THSD7A: variants seen among roughly 807,000 people sequenced by gnomAD.
THSD7A encodes the protein thrombospondin type 1 domain containing 7A.
THSD7A carries 96 observed loss-of-function variants against 231.3 expected under a neutral mutation model. The observed-to-expected ratio is 0.41, with a 90% confidence interval of 0.35 to 0.49. The LOEUF is 0.49. Ranked by LOEUF, THSD7A falls within the 20% of genes least tolerant of loss-of-function variation. The pLI, the probability that THSD7A is intolerant of heterozygous loss-of-function variation, is 0.05. For missense variants in THSD7A, 2,290 were observed against 2,070.2 expected (o/e 1.11, Z -2.06); for synonymous variants, 940 against 743.3 (o/e 1.26, Z -4.30).
rs1013053493 is a variant in THSD7A at position 11,411,590 on chromosome 7, GA to G, written c.3683-269del. On this transcript the variant is annotated intron_variant, in intron 18 of 27. Coordinates refer to ENST00000423059, the MANE Select transcript of THSD7A (RefSeq NM_015204.3). This position sits in a 1 kb window ranked among gnomAD's most constrained non-coding sequence, Gnocchi z 4.1. ...ATAGCTAGCCGTTTGGTGACACTGT[GA>G]AAATGGCTTTGGCTTACAGATCAAT... is the stretch of plus-strand genomic sequence containing the variant. Among the ~76,000 whole-genome samples the G allele has an allele frequency of 6.6e-6, 1 of 152,182 alleles. No individual in the cohort carries two copies. The highest frequency in any genetic ancestry group is 2.4e-5 in the African/African-American group (1 of 41,440).
intron 13 of THSD7A, among the ~76,000 whole-genome samples, chr7:11,434,501 A>T (rs1784571127): frequency 6.6e-6 from 1 of 152,120 alleles, no homozygotes; most frequent in Non-Finnish European, 1.5e-5. Flanking sequence ...ACAATTACTA[A>T]ATTGTGCTGC....
intron 1 of THSD7A, among the ~76,000 whole-genome samples, chr7:11,783,892 A>C (rs1348523758): frequency 1.3e-5 from 2 of 152,152 alleles, no homozygotes. Context: ...ACAAGAAGAC[A>C]AATGAAATTA....
intron 6 of THSD7A, among the ~76,000 whole-genome samples, chr7:11,496,937 C>T (rs541308168): frequency 1.4e-4 from 21 of 152,044 alleles, no homozygotes; most frequent in Non-Finnish European, 2.9e-4. Context: ...GTCATGAGTC[C>T]AGAAATTAAG....
At chr7:11,751,866 A>G (rs1239388145) in intron 1 of THSD7A, among the ~76,000 whole-genome samples, 1 of 151,948 alleles carries the variant, frequency 6.6e-6, no homozygotes, top group Non-Finnish European at 1.5e-5. Context: ...ACTGTCCCTT[A>G]CTGACACTCC....
At chr7:11,692,116 A>G (rs1017493967) in intron 1 of THSD7A, among the ~76,000 whole-genome samples, 1 of 151,530 alleles carries the variant, frequency 6.6e-6, no homozygotes, top group Non-Finnish European at 1.5e-5. Context: ...GTTCCAGCTC[A>G]ATACAAGTGG....
chr7:11,406,381 C>G lies in THSD7A; in HGVS notation c.4156G>C (p.Glu1386Gln). 3 of 1,613,948 alleles carry G rather than the reference C, an allele frequency of 1.9e-6. No homozygotes were observed. Among genetic ancestry groups the G allele is most frequent in the Non-Finnish European group, 2.5e-6 (3 of 1,179,864 alleles). The change falls in exon 22 of 28, where the codon GAA becomes CAA. Residue 1386 changes from glutamate to glutamine, a missense_variant. Glu to Gln is a conservative substitution (Grantham distance 29). Transcript: ENST00000423059. The surrounding 1 kb of genome is among the most constrained non-coding windows in gnomAD (Gnocchi z 4.7). ...ATGAGTTCAATGTCAGCACAGAATT[C>G]CTCATCCACCACTTTGCTGAAATCA... ...ADDFSKVVDE[E>Q]FCADIELIID...
chr7:11,415,446 A>G (rs1783928536), intron 17 of THSD7A, among the ~76,000 whole-genome samples: 1 of 152,178 alleles, frequency 6.6e-6, no homozygotes, highest in Non-Finnish European at 1.5e-5. Flanking sequence ...CTAACTCCCA[A>G]AACTAAAGTC....
At position 11,791,626 on chromosome 7, in the gene THSD7A, G is replaced by C. The variant is rs575400338; in HGVS notation, c.190+40131C>G. On this transcript the variant is annotated intron_variant, in intron 1 of 27. Transcript: ENST00000423059. ...TATAACAACCTTGGTATTTTCTGTG[G>C]ACTTCCTTGTAAGAATTTCCTTAGA... is the stretch of plus-strand genomic sequence containing the variant. 6.6e-5 allele frequency among the ~76,000 whole-genome samples: 10 copies of C among 152,006 alleles called. No individual in the cohort carries two copies. The South Asian group carries it at 2.1e-3, about 31-fold the overall frequency.
chr7:11,679,037 G>C, intron 1 of THSD7A, among the ~76,000 whole-genome samples: 1 of 152,224 alleles, frequency 6.6e-6, no homozygotes, highest in Non-Finnish European at 1.5e-5. Flanking sequence ...TGCAAGGCTG[G>C]TTCAACATAT....
intron 6 of THSD7A, among the ~76,000 whole-genome samples, chr7:11,518,299 G>C (rs1015010726): frequency 6.6e-6 from 1 of 152,128 alleles, no homozygotes; most frequent in Admixed American, 6.6e-5. Flanking sequence ...GATATGCAAG[G>C]GGAAAGCTTT....
intron 7 of THSD7A, among the ~76,000 whole-genome samples, chr7:11,476,348 CA>C (rs1786177289): frequency 6.6e-6 from 1 of 151,314 alleles, no homozygotes; most frequent in African/African-American, 2.4e-5. Context: ...CACACACACA[CA>C]CACACACACA....
chr7:11,738,696 G>T (rs1327864005), intron 1 of THSD7A, among the ~76,000 whole-genome samples: 1 of 152,004 alleles, frequency 6.6e-6, no homozygotes, highest in Non-Finnish European at 1.5e-5. Flanking sequence ...GGCAGAAGAG[G>T]TCAGACAGGG....
intron 23 of THSD7A, among the ~76,000 whole-genome samples, chr7:11,395,747 C>G (rs1044567348): frequency 2.0e-5 from 3 of 152,042 alleles, no homozygotes; most frequent in Non-Finnish European, 4.4e-5. Flanking sequence ...AGGCTGTTCT[C>G]AAACTACCGA....
chr7:11,523,740 C>G lies in THSD7A; in HGVS notation c.1822+17679G>C, dbSNP rs184525743. 1.7e-4 allele frequency among the ~76,000 whole-genome samples: 26 copies of G among 152,192 alleles called. 1 individual carries two copies. Among genetic ancestry groups the G allele is most frequent in the Admixed American group, 4.6e-4 (7 of 15,262 alleles). On this transcript the variant is annotated intron_variant, in intron 6 of 27. Coordinates refer to ENST00000423059, the MANE Select transcript of THSD7A (RefSeq NM_015204.3). ...GGAAGATTAAAAAAACCAGAATATA[C>G]TGGTCTGTTGTACGTAGTAATTACT...
intron 4 of THSD7A, among the ~76,000 whole-genome samples, chr7:11,544,079 C>T (rs1256975838): frequency 6.6e-6 from 1 of 152,148 alleles, no homozygotes; most frequent in East Asian, 1.9e-4. Flanking sequence ...CACGGTGGTT[C>T]ATGCCTGTAA....
At chr7:11,467,316 G>T (rs1785750660) in intron 9 of THSD7A, among the ~76,000 whole-genome samples, 1 of 151,870 alleles carries the variant, frequency 6.6e-6, no homozygotes, top group Non-Finnish European at 1.5e-5. Flanking sequence ...AGAGCTCTTT[G>T]TGTTTTACCA....
intron 25 of THSD7A, 169 bp downstream of exon 25, chr7:11,379,460 AG>A (rs1173722286): frequency 2.3e-6 from 2 of 864,720 alleles, no homozygotes; most frequent in East Asian, 5.3e-5. Context: ...TGTATTCTAA[AG>A]GTGAAAGCAA....
intron 2 of THSD7A, among the ~76,000 whole-genome samples, chr7:11,607,625 AT>A (rs1344101160): frequency 6.6e-6 from 1 of 151,884 alleles, no homozygotes; most frequent in Non-Finnish European, 1.5e-5. Context: ...ATAATTATTT[AT>A]TTATTTATTC....
chr7:11,535,732 G>C (rs2128320827), intron 6 of THSD7A, among the ~76,000 whole-genome samples: 1 of 152,242 alleles, frequency 6.6e-6, no homozygotes, highest in East Asian at 1.9e-4. Flanking sequence ...TAATGGCCTT[G>C]TAATTTGTGT....
Sources: gnomAD v4.1 joint callset for allele counts (sites outside exome capture counted in the v4.1 genomes callset) on GRCh38, gnomAD v4.1.1 for gene constraint, Gnocchi (gnomAD v3.1) non-coding constraint, MANE v1.5 for transcripts, NCBI Gene and HGNC (gene_info 2026-07-23, HGNC 2026-07-21) for gene names.